SPATA16: variants seen among roughly 807,000 people sequenced by gnomAD.
SPATA16 encodes the protein spermatogenesis-associated protein 16.
A neutral mutation model predicts 63.3 loss-of-function variants in SPATA16; 36 were observed. The ratio of observed to expected loss-of-function variants is 0.57; its 90% CI spans 0.44 to 0.75. The LOEUF is 0.75. SPATA16 is among the 30% of genes least tolerant of loss of function. The pLI, the probability that SPATA16 is intolerant of heterozygous loss-of-function variation, is 0.00. For synonymous variants in SPATA16, 203 were observed against 216.7 expected, an observed-to-expected ratio of 0.94 and a Z score of 0.56; for missense variants, 646 against 679.3, an observed-to-expected ratio of 0.95 and a Z score of 0.54.
At position 172,913,676 on chromosome 3, in the gene SPATA16, C is replaced by T; in HGVS notation, c.1572G>A (p.Trp524Ter). ...AAAGTTTTACCTTTTGGATCATATT[C>T]CACACACGTTCATTATTGTTTCTTC... ...EGRRNNNERV[W>*]NMIQKVGQIE... The change falls in exon 10 of 11, where the codon TGG becomes TGA. Residue 524 changes from tryptophan (W) to a stop codon, truncating the protein, a stop_gained. Transcript: ENST00000351008. LOFTEE classifies it high-confidence loss of function. 2 of 1,613,600 alleles carry T rather than the reference C, an allele frequency of 1.2e-6. No homozygotes were observed. Among genetic ancestry groups the T allele is most frequent in the Non-Finnish European group, 1.7e-6 (2 of 1,179,710 alleles).
intron 2 of SPATA16, among the ~76,000 whole-genome samples, chr3:173,093,824 A>T (rs1737285442): frequency 6.6e-6 from 1 of 152,288 alleles, no homozygotes; most frequent in Non-Finnish European, 1.5e-5. Flanking sequence ...AGTAATAAAA[A>T]GACTATTTCT....
chr3:172,943,135 C>G (rs1310735717), intron 6 of SPATA16, among the ~76,000 whole-genome samples: 2 of 151,916 alleles, frequency 1.3e-5, no homozygotes, highest in African/African-American at 4.8e-5. Context: ...TTATAAGTTT[C>G]CAAAACAGGA....
chr3:172,929,447 C>T (rs1252328436), intron 6 of SPATA16, among the ~76,000 whole-genome samples: 1 of 152,118 alleles, frequency 6.6e-6, no homozygotes, highest in Non-Finnish European at 1.5e-5. Flanking sequence ...TATTGTACTC[C>T]AGAAGGCTGA....
chr3:173,093,076 C>CACACACAT lies in SPATA16; in HGVS notation c.612+24043_612+24044insATGTGTGT, dbSNP rs372317726. Among the ~76,000 whole-genome samples, 454 of 144,010 alleles carry CACACACAT rather than the reference C, an allele frequency of 3.2e-3. 2 individuals carry two copies. Among genetic ancestry groups the CACACACAT allele is most frequent in the Admixed American group, 3.8e-3 (55 of 14,472 alleles). The allele number at this position is 144,010 out of a possible 152,430, so 94.5% of individuals were successfully genotyped here. On this transcript the variant is annotated intron_variant, in intron 2 of 10. Coordinates refer to ENST00000351008, the MANE Select transcript of SPATA16 (RefSeq NM_031955.6). ...ACACACACACACACACACACACACA[C>CACACACAT]ATATATATATATATGTTTCAAGTTA...
chr3:173,016,415 G>C (rs1425353683), intron 4 of SPATA16, among the ~76,000 whole-genome samples: 1 of 152,210 alleles, frequency 6.6e-6, no homozygotes, highest in Non-Finnish European at 1.5e-5. Flanking sequence ...CATGGGTGAT[G>C]ATGGTTAGGC....
At chr3:172,907,204 A>G (rs995889546) in intron 10 of SPATA16, among the ~76,000 whole-genome samples, 3 of 152,168 alleles carry the variant, frequency 2.0e-5, no homozygotes, top group African/African-American at 7.2e-5. Context: ...AATTTGTGAC[A>G]GACACAGGTC....
At position 173,019,492 on chromosome 3, in the gene SPATA16, G is replaced by C; in HGVS notation, c.842C>G (p.Ala281Gly). The C allele has an allele frequency of 1.2e-6, 2 of 1,613,304 alleles. No homozygotes were observed. Among genetic ancestry groups the C allele is most frequent in the Non-Finnish European group, 8.5e-7 (1 of 1,179,316 alleles). ...VFRCLERYSEAARSAMIADYM... is the reference protein window; with the variant it reads ...VFRCLERYSEGARSAMIADYM... ...AAAGTTAAAACAAACATACCGGGCA[G>C]CCTCTGAATACCTCTCCAGACATCT... The change falls in exon 4 of 11, where the codon GCT becomes GGT. Residue 281 changes from alanine to glycine, a missense_variant. Transcript: ENST00000351008.
chr3:173,045,137 C>A (rs538242461), intron 3 of SPATA16, among the ~76,000 whole-genome samples: 1 of 152,244 alleles, frequency 6.6e-6, no homozygotes, highest in Non-Finnish European at 1.5e-5. Context: ...AATTCCCATG[C>A]AGACTTCTGT....
chr3:172,976,915 G>T, intron 5 of SPATA16, 53 bp downstream of exon 5: 2 of 1,426,290 alleles, frequency 1.4e-6, no homozygotes, highest in Non-Finnish European at 2.0e-6. Context: ...CTTTCATTTT[G>T]GCTCTAAAAA....
At chr3:173,106,238 A>G (rs1258534445) in intron 2 of SPATA16, among the ~76,000 whole-genome samples, 1 of 152,148 alleles carries the variant, frequency 6.6e-6, no homozygotes, top group Non-Finnish European at 1.5e-5. Context: ...CAGCTTCTTC[A>G]GCTTTATTTC....
intron 6 of SPATA16, among the ~76,000 whole-genome samples, chr3:172,938,832 C>G (rs574289123): frequency 9.7e-6 from 1 of 102,820 alleles, no homozygotes; most frequent in Admixed American, 1.2e-4. Flanking sequence ...CAGACCCCCC[C>G]ACCCCCCCGC....
chr3:173,010,159 G>A (rs954672954), intron 4 of SPATA16, among the ~76,000 whole-genome samples: 1 of 152,216 alleles, frequency 6.6e-6, no homozygotes, highest in Non-Finnish European at 1.5e-5. Context: ...CTATTCTTCT[G>A]CCTCACCTGA....
intron 10 of SPATA16, among the ~76,000 whole-genome samples, chr3:172,911,683 C>A (rs890445886): frequency 3.5e-4 from 54 of 152,318 alleles, no homozygotes; most frequent in African/African-American, 1.3e-3. Context: ...ACCAGCAAAC[C>A]TTTCCCTATT....
At chr3:173,068,650 G>C (rs1381747311) in intron 2 of SPATA16, among the ~76,000 whole-genome samples, 1 of 152,006 alleles carries the variant, frequency 6.6e-6, no homozygotes, top group Non-Finnish European at 1.5e-5. Context: ...AATGAAAATG[G>C]AAACACAGCT....
In SPATA16 at chr3:172,924,829, A is replaced by G. The variant is rs192301261; in HGVS notation, c.1229-512T>C. Among the ~76,000 whole-genome samples, 156 of 152,284 alleles carry G rather than the reference A, an allele frequency of 1.0e-3. 2 individuals carry two copies. Among genetic ancestry groups the G allele is most frequent in the African/African-American group, 3.7e-3 (153 of 41,556 alleles). On this transcript the variant is annotated intron_variant, in intron 7 of 10. Transcript: ENST00000351008. ...CATGAATTCAGCCCATAAGTTTGAG[A>G]TTTCAACTCCATGTGAATATTTTCT...
At chr3:173,123,602 T>C (rs960856431) in intron 1 of SPATA16, among the ~76,000 whole-genome samples, 2 of 130,408 alleles carry the variant, frequency 1.5e-5, no homozygotes, top group East Asian at 4.2e-4. Flanking sequence ...AGGTATTAGA[T>C]TTTTTTTTTT....
chr3:173,061,262 T>C (rs1736372020), intron 2 of SPATA16, among the ~76,000 whole-genome samples: 1 of 152,206 alleles, frequency 6.6e-6, no homozygotes, highest in African/African-American at 2.4e-5. Flanking sequence ...AAAATAGCAC[T>C]GAGAGCCTCA....
chr3:172,929,424 T>C (rs534138411), intron 6 of SPATA16, among the ~76,000 whole-genome samples: 17 of 152,318 alleles, frequency 1.1e-4, no homozygotes, highest in Admixed American at 5.9e-4. Context: ...TTTTCCCTTC[T>C]TCAGAAATAT....
chr3:173,110,882 T>G (rs993180427), intron 2 of SPATA16, among the ~76,000 whole-genome samples: 1 of 152,246 alleles, frequency 6.6e-6, no homozygotes, highest in Non-Finnish European at 1.5e-5. Context: ...GTATAAATCC[T>G]TCTCAGAGTT....
Sources: gnomAD v4.1 joint callset for allele counts (sites outside exome capture counted in the v4.1 genomes callset) on GRCh38, gnomAD v4.1.1 for gene constraint, MANE v1.5 for transcripts, NCBI Gene and HGNC (gene_info 2026-07-23, HGNC 2026-07-21) for gene names.